SCAMP4: variants seen among roughly 807,000 people sequenced by gnomAD.
The protein encoded by SCAMP4 is secretory carrier membrane protein 4, also known as secretory carrier-associated membrane protein 4.
In SCAMP4, 19 loss-of-function variants were observed where a neutral mutation model predicts 32.1. That is an observed-to-expected ratio of 0.59 (90% CI 0.41 to 0.87). The LOEUF (loss-of-function observed/expected upper bound fraction) is 0.87, where lower values mean the gene tolerates loss of function less well. Ranked by LOEUF, SCAMP4 falls within the 40% of genes least tolerant of loss-of-function variation. The probability of loss-of-function intolerance (pLI) is 0.00; values close to 1 mark genes in which losing one functional copy is unlikely to be tolerated. For synonymous variants in SCAMP4, 152 were observed against 132.7 expected, an observed-to-expected ratio of 1.15 and a Z score of -1.00; for missense variants, 302 against 309.0, an observed-to-expected ratio of 0.98 and a Z score of 0.17.
intron 1 of SCAMP4, among the ~76,000 whole-genome samples, chr19:1,909,326 C>G (rs1395299698): frequency 6.6e-6 from 1 of 152,170 alleles, no homozygotes; most frequent in Admixed American, 6.5e-5. Context: ...TGTCCCCACG[C>G]CTGCCTCTCT....
At chr19:1,918,682 A>C in intron 4 of SCAMP4, 4 of 742,546 alleles carry the variant, frequency 5.4e-6, no homozygotes, top group Non-Finnish European at 8.3e-6. Context: ...GAATCGCTTG[A>C]ACCCGGGAGG....
intron 5 of SCAMP4, chr19:1,921,452 GGCCCCCGGTGGGCCCCGCCA>G (rs2013917326): frequency 1.0e-6 from 1 of 985,280 alleles, no homozygotes; most frequent in African/African-American, 1.7e-5. Context: ...GTGCAGCAGG[GGCCCCCGGTGGGCCCCGCCA>G]GGAATCGGAC....
Position 1,924,353 on chromosome 19 carries a change from G to T in SCAMP4, c.*69G>T. ...CATTCCTGCTGCTACCCCTGGTCCC[G>T]AGGGCTGGGAGTACCTGGGGCCCCA... On this transcript the variant is annotated 3_prime_UTR_variant, in exon 7 of 7. Coordinates refer to ENST00000316097, the MANE Select transcript of SCAMP4 (RefSeq NM_079834.4). The T allele has an allele frequency of 6.9e-7, 1 of 1,445,830 alleles. No individual in the cohort carries two copies. The highest frequency in any genetic ancestry group is 9.3e-7 in the Non-Finnish European group (1 of 1,072,126). The allele number at this position is 1,445,830 out of a possible 1,614,324, so 89.6% of individuals were successfully genotyped here. A position where few individuals can be genotyped will look rare whatever the true frequency, so the allele number is the denominator to read the frequency against.
At chr19:1,919,157 G>C in intron 5 of SCAMP4, 167 bp downstream of exon 5, 1 of 1,442,614 alleles carries the variant, frequency 6.9e-7, no homozygotes, top group Non-Finnish European at 9.1e-7. Context: ...CCTCGCCAGC[G>C]CCCGCGTCCT....
chr19:1,906,917 GTGGCTCACGCCT>G (rs2013154594), intron 1 of SCAMP4: 3 of 144,818 alleles, frequency 2.1e-5, no homozygotes, highest in African/African-American at 7.9e-5. Flanking sequence ...GCTGGGCGCA[GTGGCTCACGCCT>G]GTAATCCCAG....
intron 1 of SCAMP4, chr19:1,912,218 G>T: frequency 6.3e-7 from 1 of 1,593,942 alleles, no homozygotes; most frequent in Non-Finnish European, 8.5e-7. Flanking sequence ...GGGACGTGGA[G>T]CTGGTGCTGG....
At chr19:1,922,243 G>A in intron 5 of SCAMP4, 1 of 985,454 alleles carries the variant, frequency 1.0e-6, no homozygotes, top group Non-Finnish European at 1.2e-6. Flanking sequence ...ACTGGTGGCT[G>A]ATCTAAGCAG....
intron 1 of SCAMP4, chr19:1,912,608 C>G: frequency 2.0e-6 from 3 of 1,481,834 alleles, no homozygotes; most frequent in Non-Finnish European, 2.7e-6. Flanking sequence ...AGGAGCGCGC[C>G]GCCATGCAGA....
Position 1,915,038 on chromosome 19 carries a change from C to T in SCAMP4, c.7+12C>T. 1.2e-6 allele frequency: 2 copies of T among 1,613,708 alleles called. No individual in the cohort carries two copies. The highest frequency in any genetic ancestry group is 1.7e-6 in the Non-Finnish European group (2 of 1,179,778). Reference sequence around the variant, plus strand: ...AACAGAGATGTCAGGTGAGTCCTGCCTGCCTGGGAGCCTCCAGCAGCGTGG... The same window carrying T: ...AACAGAGATGTCAGGTGAGTCCTGCTTGCCTGGGAGCCTCCAGCAGCGTGG... On this transcript the variant is annotated intron_variant, in intron 2 of 6. Coordinates refer to ENST00000316097, the MANE Select transcript of SCAMP4 (RefSeq NM_079834.4).
intron 4 of SCAMP4, 172 bp from the exon 5 acceptor site, chr19:1,918,717 T>C: frequency 1.9e-6 from 2 of 1,037,046 alleles, no homozygotes; most frequent in Non-Finnish European, 2.7e-6. Context: ...AGCCGAGATC[T>C]CGACACTGCT....
chr19:1,923,252 T>C (rs1156667581), intron 6 of SCAMP4, 65 bp downstream of exon 6: 5 of 1,376,220 alleles, frequency 3.6e-6, no homozygotes, highest in Non-Finnish European at 4.9e-6. Flanking sequence ...CACCCAACTG[T>C]CCCAGGTGGG....
chr19:1,918,486 G>C (rs1456876092), intron 4 of SCAMP4, among the ~76,000 whole-genome samples: 1 of 152,226 alleles, frequency 6.6e-6, no homozygotes, highest in Non-Finnish European at 1.5e-5. Context: ...TTTTGGCTGG[G>C]TGCAGTGGCT....
chr19:1,924,578 T>C lies in SCAMP4; in HGVS notation c.*294T>C, dbSNP rs1477512929. ...CACCCGCCGTCCACTGCACGGCTGG[T>C]ACGGCCTTGTCTTCAGGTCTCGAGG... On this transcript the variant is annotated 3_prime_UTR_variant, in exon 7 of 7. Coordinates refer to ENST00000316097, the MANE Select transcript of SCAMP4 (RefSeq NM_079834.4). 1.2e-5 allele frequency: 5 copies of C among 421,506 alleles called. No homozygotes were observed. In the East Asian group the frequency reaches 2.1e-4, roughly 18 times the overall value. The allele number at this position is 421,506 out of a possible 1,614,324, so 26.1% of individuals were successfully genotyped here.
intron 2 of SCAMP4, among the ~76,000 whole-genome samples, chr19:1,917,428 GC>G (rs1568770446): frequency 6.6e-6 from 1 of 152,138 alleles, no homozygotes; most frequent in African/African-American, 2.4e-5. Context: ...GTCTAGAGGC[GC>G]CCCCATCCCT....
intron 5 of SCAMP4, chr19:1,921,957 C>T (rs2013933739): frequency 2.0e-6 from 2 of 985,354 alleles, no homozygotes; most frequent in African/African-American, 1.7e-5. Flanking sequence ...CATATCACGC[C>T]CCGTGCATGT....
intron 3 of SCAMP4, 33 bp from the exon 4 acceptor site, chr19:1,918,094 G>A (rs997349211): frequency 1.6e-5 from 26 of 1,588,050 alleles, no homozygotes; most frequent in Non-Finnish European, 2.1e-5. Context: ...ACCCTCCCGT[G>A]CCTGCTCATC....
intron 6 of SCAMP4, among the ~76,000 whole-genome samples, chr19:1,923,615 CT>C (rs35226425): frequency 6.9e-5 from 6 of 86,480 alleles, no homozygotes; most frequent in Non-Finnish European, 6.1e-5. Context: ...CAGCAAAATG[CT>C]TTTTTTTTTT....
chr19:1,912,046 G>C, intron 1 of SCAMP4: 1 of 1,418,420 alleles, frequency 7.1e-7, no homozygotes, highest in South Asian at 1.5e-5. Flanking sequence ...CGCAGCCGCC[G>C]GATGATCCTC....
chr19:1,912,462 C>T, intron 1 of SCAMP4: 2 of 1,505,124 alleles, frequency 1.3e-6, no homozygotes, highest in South Asian at 1.2e-5. Context: ...CCTGGGGCAA[C>T]CCTTCCTGGT....
Sources: gnomAD v4.1 joint callset for allele counts (sites outside exome capture counted in the v4.1 genomes callset) on GRCh38, gnomAD v4.1.1 for gene constraint, MANE v1.5 for transcripts, NCBI Gene and HGNC (gene_info 2026-07-23, HGNC 2026-07-21) for gene names.